Variants in HERC3 observed in about 807,000 individuals in gnomAD.
HERC3 encodes the protein probable E3 ubiquitin-protein ligase HERC3.
In HERC3, 58 loss-of-function variants were observed where a neutral mutation model predicts 129.9. The ratio of observed to expected loss-of-function variants is 0.45; its 90% confidence interval spans 0.36 to 0.56. The LOEUF (loss-of-function observed/expected upper bound fraction) is 0.56, where lower values mean the gene tolerates loss of function less well. HERC3 is among the 20% of genes least tolerant of loss of function. The pLI is 0.00. For missense variants in HERC3, 835 were observed against 1,244.2 expected, an observed-to-expected ratio of 0.67 and a Z score of 4.95; for synonymous variants, 430 against 451.0, an observed-to-expected ratio of 0.95 and a Z score of 0.59.
At chr4:88,594,560 T>C (rs1722131142) in intron 1 of HERC3, among the ~76,000 whole-genome samples, 1 of 152,140 alleles carries the variant, frequency 6.6e-6, no homozygotes, top group African/African-American at 2.4e-5. Flanking sequence ...TGCACCACCA[T>C]GCCCAGCTAA....
chr4:88,675,048 A>G (rs1007078426), intron 16 of HERC3, among the ~76,000 whole-genome samples: 3 of 152,264 alleles, frequency 2.0e-5, no homozygotes, highest in African/African-American at 4.8e-5. Flanking sequence ...TCTAACAGCA[A>G]TAAAATGCAG....
intron 1 of HERC3, among the ~76,000 whole-genome samples, chr4:88,594,790 T>C (rs373252110): frequency 5.9e-5 from 9 of 151,818 alleles, no homozygotes; most frequent in African/African-American, 2.2e-4. Flanking sequence ...GATGTGGTAA[T>C]GAAAAGGGAA....
At chr4:88,649,808 T>C in intron 3 of HERC3, 32 bp from the exon 4 acceptor site, 1 of 1,603,572 alleles carries the variant, frequency 6.2e-7, no homozygotes, top group Non-Finnish European at 8.5e-7. Context: ...TTCTGGGTTG[T>C]ACATTTTCCT....
intron 25 of HERC3, among the ~76,000 whole-genome samples, chr4:88,705,903 G>A (rs932333678): frequency 6.6e-6 from 1 of 152,152 alleles, no homozygotes; most frequent in Non-Finnish European, 1.5e-5. Context: ...TAAAAAGAGG[G>A]ACCACTTCTC....
At chr4:88,680,438 A>G (rs1299713183) in intron 20 of HERC3, among the ~76,000 whole-genome samples, 2 of 152,230 alleles carry the variant, frequency 1.3e-5, no homozygotes, top group Non-Finnish European at 2.9e-5. Flanking sequence ...GTGAGCCTTC[A>G]GTCCCATTTC....
At chr4:88,622,854 G>A (rs1031560193) in intron 3 of HERC3, among the ~76,000 whole-genome samples, 5 of 152,040 alleles carry the variant, frequency 3.3e-5, no homozygotes, top group African/African-American at 7.2e-5. Context: ...GCTTGAACCC[G>A]GGAGGCAGAG....
chr4:88,688,067 G>A (rs909636594), intron 23 of HERC3, among the ~76,000 whole-genome samples: 1 of 152,182 alleles, frequency 6.6e-6, no homozygotes, highest in Non-Finnish European at 1.5e-5. Flanking sequence ...GTCAATGTAT[G>A]GAATAATTGC....
chr4:88,543,198 C>G, the HERC3 span, among the ~76,000 whole-genome samples: 2 of 152,320 alleles, frequency 1.3e-5, no homozygotes, highest in South Asian at 2.1e-4. Context: ...CCCCTCATCT[C>G]AGCCCAAAAT....
At position 88,650,664 on chromosome 4, in the gene HERC3, C is replaced by G. The variant is rs115416425; in HGVS notation, c.386+665C>G. Among the ~76,000 whole-genome samples the G allele has an allele frequency of 4.8e-3, 727 of 152,260 alleles. 10 individuals carry two copies. The highest frequency in any genetic ancestry group is 0.017 in the African/African-American group (694 of 41,544). On this transcript the variant is annotated intron_variant, in intron 4 of 25. Coordinates refer to ENST00000402738, the MANE Select transcript of HERC3 (RefSeq NM_014606.3). Reference sequence around the variant, plus strand: ...GCCATTTTATTTCCTTTATTCAATTCTTACTCCTTTGTGCTACAGGTGTTC... The same window carrying G: ...GCCATTTTATTTCCTTTATTCAATTGTTACTCCTTTGTGCTACAGGTGTTC...
intron 23 of HERC3, among the ~76,000 whole-genome samples, chr4:88,688,838 C>T (rs1027931335): frequency 1.3e-5 from 2 of 152,104 alleles, no homozygotes; most frequent in East Asian, 3.9e-4. Flanking sequence ...AACGTAATTT[C>T]TTAGAGGAGC....
chr4:88,549,320 T>TAAA, the HERC3 span, among the ~76,000 whole-genome samples: 301 of 148,606 alleles, frequency 2.0e-3, no homozygotes, highest in African/African-American at 7.0e-3. Flanking sequence ...TAACTTTTTT[T>TAAA]AAAAAAAAAA....
At chr4:88,543,341 C>T in the HERC3 span, among the ~76,000 whole-genome samples, 1 of 152,106 alleles carries the variant, frequency 6.6e-6, no homozygotes, top group Non-Finnish European at 1.5e-5. Flanking sequence ...ATAATTGCTA[C>T]ACAGAGAATA....
the HERC3 span, among the ~76,000 whole-genome samples, chr4:88,575,368 T>A: frequency 6.6e-6 from 1 of 152,210 alleles, no homozygotes; most frequent in Non-Finnish European, 1.5e-5. Flanking sequence ...GGTCTCTGTG[T>A]CATTCTAGAG....
chr4:88,600,288 C>T (rs1320383634), intron 2 of HERC3, among the ~76,000 whole-genome samples: 3 of 152,148 alleles, frequency 2.0e-5, no homozygotes, highest in Non-Finnish European at 4.4e-5. Context: ...TAGTTAGGTT[C>T]TGTAAAGTCA....
intron 2 of HERC3, among the ~76,000 whole-genome samples, chr4:88,605,451 C>G (rs1723522264): frequency 1.3e-5 from 2 of 152,162 alleles, no homozygotes; most frequent in Non-Finnish European, 2.9e-5. Context: ...AGAGTAATTT[C>G]AAAACTGTTA....
the HERC3 span, among the ~76,000 whole-genome samples, chr4:88,563,837 T>C: frequency 6.6e-6 from 1 of 151,982 alleles, no homozygotes; most frequent in African/African-American, 2.4e-5. Context: ...TTTGTATTTT[T>C]AGTAGAGACA....
intron 3 of HERC3, among the ~76,000 whole-genome samples, chr4:88,617,955 T>C (rs1171048561): frequency 6.6e-6 from 1 of 151,838 alleles, no homozygotes; most frequent in Non-Finnish European, 1.5e-5. Context: ...CTGGTTTCCC[T>C]CAAGGAAGTG....
intron 23 of HERC3, among the ~76,000 whole-genome samples, chr4:88,698,667 C>T (rs1220269504): frequency 6.6e-6 from 1 of 151,966 alleles, no homozygotes; most frequent in Non-Finnish European, 1.5e-5. Context: ...CATTCGTCTT[C>T]CCTGCCTTCC....
the HERC3 span, among the ~76,000 whole-genome samples, chr4:88,551,994 T>A: frequency 9.9e-5 from 15 of 152,042 alleles, no homozygotes; most frequent in South Asian, 3.1e-3. Context: ...GGGACATGGA[T>A]GAAATTGGAA....
Sources: gnomAD v4.1 joint callset for allele counts (sites outside exome capture counted in the v4.1 genomes callset) on GRCh38, gnomAD v4.1.1 for gene constraint, MANE v1.5 for transcripts, NCBI Gene and HGNC (gene_info 2026-07-23, HGNC 2026-07-21) for gene names.